The following SLC4A11 variants were observed in gnomAD, a reference collection of about 807,000 sequenced individuals.
The protein encoded by SLC4A11 is solute carrier family 4 member 11, also known as bicarbonate transporter related protein 1.
A neutral mutation model predicts 95.0 loss-of-function variants in SLC4A11; 74 were observed. The ratio of observed to expected loss-of-function variants is 0.78; its 90% CI spans 0.65 to 0.95. The LOEUF (loss-of-function observed/expected upper bound fraction) is 0.95, where lower values mean the gene tolerates loss of function less well. Ranked by LOEUF, SLC4A11 falls within the 40% of genes least tolerant of loss-of-function variation. The pLI, the probability that SLC4A11 is intolerant of heterozygous loss-of-function variation, is 0.00. For missense variants in SLC4A11, 1,081 were observed against 1,192.4 expected (o/e 0.91, Z 1.38); for synonymous variants, 548 against 519.0 (o/e 1.06, Z -0.76).
Position 3,234,465 on chromosome 20 carries a change from T to G in SLC4A11, c.291+103A>C. The stretch of plus-strand genomic sequence containing the variant: ...TGCGAGCTCCCTGTTGAGCTGCTCC[T>G]GGAGGCATGGGAAGAGGGGAGCAGC... On this transcript the variant is annotated intron_variant, in intron 4 of 19. Transcript: ENST00000642402. This position sits in a 1 kb window ranked among gnomAD's most constrained non-coding sequence, Gnocchi z 5.8. 1 of 1,553,056 alleles carries G rather than the reference T, an allele frequency of 6.4e-7. No individual in the cohort carries two copies. The highest frequency in any genetic ancestry group is 8.9e-7 in the Non-Finnish European group (1 of 1,127,956).
At chr20:3,235,809 G>A (rs2067964073) in intron 2 of SLC4A11, among the ~76,000 whole-genome samples, 1 of 152,004 alleles carries the variant, frequency 6.6e-6, no homozygotes, top group Non-Finnish European at 1.5e-5. Context: ...CCTGACCACT[G>A]GCTCCTCAGG....
rs142527186 is a variant in SLC4A11, at chr20:3,230,817, G to A, written c.1197C>T (p.Ser399=). The change falls in exon 11 of 20, where the codon AGC becomes AGT. Residue 399 remains serine, a synonymous_variant. Coordinates refer to ENST00000642402, the MANE Select transcript of SLC4A11 (RefSeq NM_001174089.2). ...AGAGCGCGTAGAGCAGGCCCCCGATGCTCTGCCCGGCTATGGTCTTCTGCA... is the reference window on the plus strand; with the variant it reads ...AGAGCGCGTAGAGCAGGCCCCCGATACTCTGCCCGGCTATGGTCTTCTGCA... ...IDVQKTIAGQ[S]IGGLLYALFS... is the part of the protein sequence containing the mutation. 1.2e-5 allele frequency: 19 copies of A among 1,613,232 alleles called. No individual in the cohort carries two copies. The highest frequency in any genetic ancestry group is 1.4e-5 in the Non-Finnish European group (17 of 1,179,974).
chr20:3,239,279 C>T, upstream of SLC4A11: 1 of 1,188,112 alleles, frequency 8.4e-7, no homozygotes, highest in Non-Finnish European at 1.0e-6. Context: ...GCCGCTCAGA[C>T]GCCGCGCCCG....
At chr20:3,237,923 A>G (rs1555780669) in intron 1 of SLC4A11, 1 of 1,550,504 alleles carries the variant, frequency 6.4e-7, no homozygotes, top group Non-Finnish European at 8.7e-7. Flanking sequence ...TTCCTGAGAA[A>G]ACCCTGCCCC....
intron 1 of SLC4A11, 30 bp from the exon 2 acceptor site, chr20:3,237,618 C>G: frequency 6.2e-7 from 1 of 1,614,104 alleles, no homozygotes; most frequent in Non-Finnish European, 8.5e-7. Context: ...GTCACCAGCC[C>G]CATGGACCAA....
intron 16 of SLC4A11, 35 bp downstream of exon 16, chr20:3,229,060 G>GGGGCCCCC: frequency 6.5e-6 from 10 of 1,542,120 alleles, no homozygotes; most frequent in Non-Finnish European, 8.7e-6. Flanking sequence ...AGAGGCCCGG[G>GGGGCCCCC]CCCCGCCCAC....
intron 1 of SLC4A11, chr20:3,238,008 T>G (rs2068041319): frequency 6.5e-7 from 1 of 1,545,964 alleles, no homozygotes; most frequent in Non-Finnish European, 8.7e-7. Context: ...GCGGGGGATC[T>G]CTCTGCACAT....
intron 1 of SLC4A11, chr20:3,238,137 T>A (rs1227022560): frequency 1.4e-6 from 2 of 1,446,672 alleles, no homozygotes; most frequent in East Asian, 5.0e-5. Context: ...CGGTCTCCAG[T>A]CCTGGGACCG....
rs751718398 is a variant in SLC4A11 at position 3,229,102 on chromosome 20, C to T, written c.2011G>A (p.Glu671Lys). ...NLVAALVNAPENRLVKGTAYH... is the reference protein window; with the variant it reads ...NLVAALVNAPKNRLVKGTAYH... ...CTCACCCACCCTCCACACCTGTTCT[C>T]CGGTGCATTCACCAAGGCGGCCACC... Residue 671 changes from glutamate to lysine, a missense_variant, in exon 16 of 20, where the codon GAG becomes AAG. This residue lies in a region of SLC4A11 where 767 missense variants were observed against 858.0 expected (regional missense o/e 0.89). Coordinates refer to ENST00000642402, the MANE Select transcript of SLC4A11 (RefSeq NM_001174089.2). 12 of 1,404,510 alleles carry T rather than the reference C, an allele frequency of 8.5e-6. No individual in the cohort carries two copies. In the South Asian group the frequency reaches 1.4e-4, roughly 16 times the overall value. The allele number at this position is 1,404,510 out of a possible 1,614,324, so 87.0% of individuals were successfully genotyped here.
At chr20:3,235,059 C>T in intron 2 of SLC4A11, 165 bp from the exon 3 acceptor site, 1 of 758,560 alleles carries the variant, frequency 1.3e-6, no homozygotes, top group Non-Finnish European at 2.2e-6. Context: ...CCTGCCCCAG[C>T]CCCACACAGG....
At chr20:3,238,054 TA>T (rs2068043321) in intron 1 of SLC4A11, 24 of 1,488,740 alleles carry the variant, frequency 1.6e-5, no homozygotes, top group Non-Finnish European at 2.0e-5. Context: ...CTGGGGGCCA[TA>T]AACGCCCATT....
In SLC4A11 at chr20:3,228,571, G is replaced by T; in HGVS notation, c.2329C>A (p.Leu777Ile). 1.2e-6 allele frequency: 2 copies of T among 1,613,266 alleles called. No individual in the cohort carries two copies. Among genetic ancestry groups the T allele is most frequent in the Non-Finnish European group, 1.7e-6 (2 of 1,179,966 alleles). ...VLYGLFLYIA[L>I]TSLDGNQLVQ... The stretch of plus-strand genomic sequence containing the variant: ...AGCTGGTTGCCATCGAGGGAGGTGA[G>T]CGCGATGTAGAGGAAGAGGCCATAG... Residue 777 changes from leucine (L) to isoleucine (I), a missense_variant, in exon 18 of 20, where the codon CTC (leucine) becomes ATC (isoleucine). By Grantham distance (5) the Leu-to-Ile change is conservative. Around this residue, in one of 3 missense-constraint regions of SLC4A11, gnomAD observed 767 missense variants for 858.0 expected, o/e 0.89. Transcript: ENST00000642402.
intron 10 of SLC4A11, 30 bp from the exon 11 acceptor site, chr20:3,230,875 C>T (rs1051458048): frequency 2.0e-5 from 33 of 1,612,816 alleles, no homozygotes; most frequent in African/African-American, 4.0e-5. Context: ...AGGTGGGCGC[C>T]GCAGCCCAGG....
At chr20:3,237,911 T>C (rs1275441856) in intron 1 of SLC4A11, 6 of 1,550,274 alleles carry the variant, frequency 3.9e-6, no homozygotes, top group Admixed American at 3.9e-5. Flanking sequence ...CTAATCCAGG[T>C]TTTCCTGAGA....
Position 3,229,153 on chromosome 20 carries a change from T to C in SLC4A11, c.1960A>G (p.Met654Val), listed in dbSNP as rs762735932. ...AAGTTCTGCTCGATGAAGAAGAGCATGGACAGCAGGAAGCCGAGGCCCATG... is the reference window on the plus strand; with the variant it reads ...AAGTTCTGCTCGATGAAGAAGAGCACGGACAGCAGGAAGCCGAGGCCCATG... The part of the protein sequence containing the change: ...GAMGLGFLLS[M>V]LFFIEQNLVA... The change falls in exon 16 of 20, where the codon ATG (methionine) becomes GTG (valine). Residue 654 changes from methionine to valine, a missense_variant. Physicochemically the swap from Met to Val is conservative, Grantham distance 21 (BLOSUM62 1). Around this residue, in one of 3 missense-constraint regions of SLC4A11, gnomAD observed 767 missense variants for 858.0 expected, o/e 0.89. Transcript: ENST00000642402. 5 of 1,603,106 alleles carry C rather than the reference T, an allele frequency of 3.1e-6. No individual in the cohort carries two copies. Among genetic ancestry groups the C allele is most frequent in the East Asian group, 2.3e-5 (1 of 44,394 alleles).
At chr20:3,237,523 C>CA (rs779392821) in intron 2 of SLC4A11, 21 bp downstream of exon 2, 2 of 1,612,860 alleles carry the variant, frequency 1.2e-6, no homozygotes, top group South Asian at 2.2e-5. Flanking sequence ...TGCACACACA[C>CA]ACTCCCCGAG....
Position 3,227,769 on chromosome 20 carries a change from G to T in SLC4A11, c.*18C>A. 1.9e-6 allele frequency: 3 copies of T among 1,611,994 alleles called. No individual in the cohort carries two copies. Among genetic ancestry groups the T allele is most frequent in the Non-Finnish European group, 2.5e-6 (3 of 1,179,504 alleles). ...GACGTGGAGGGCTGGCGAATGGGGC[G>T]TGGGCAGGGTCTGCCAGTCAAGGCC... On this transcript the variant is annotated 3_prime_UTR_variant, in exon 20 of 20. Transcript: ENST00000642402.
chr20:3,233,961 CTG>C lies in SLC4A11; in HGVS notation c.563_564del (p.Thr188SerfsTer42), dbSNP rs763953036. 1.9e-6 allele frequency: 3 copies of C among 1,613,892 alleles called. No individual in the cohort carries two copies. Among genetic ancestry groups the C allele is most frequent in the Non-Finnish European group, 2.5e-6 (3 of 1,180,030 alleles). On this transcript the variant is annotated frameshift_variant, in exon 6 of 20. Coordinates refer to ENST00000642402, the MANE Select transcript of SLC4A11 (RefSeq NM_001174089.2). LOFTEE classifies it high-confidence loss of function. ...GACTGCTGGTACCGCACCCCTGTCACTGTGGCGGTGACCCCTTGGATGGTATC... is the reference window on the plus strand; with the variant it reads ...GACTGCTGGTACCGCACCCCTGTCACTGGCGGTGACCCCTTGGATGGTATC... ...LSDTIQGVTA[T>X]VTGVRYQQSW...
chr20:3,238,517 G>A (rs2068061825), intron 1 of SLC4A11: 3 of 991,880 alleles, frequency 3.0e-6, no homozygotes, highest in Non-Finnish European at 3.6e-6. Context: ...CCGTCCCGGC[G>A]GCCCACGTGC....
Sources: gnomAD v4.1 joint callset for allele counts (sites outside exome capture counted in the v4.1 genomes callset) on GRCh38, gnomAD v4.1.1 for gene constraint, gnomAD v4.1.1 regional missense constraint, Gnocchi (gnomAD v3.1) non-coding constraint, MANE v1.5 for transcripts, NCBI Gene and HGNC (gene_info 2026-07-23, HGNC 2026-07-21) for gene names.